Variants in PARVB observed in about 807,000 individuals in gnomAD.
PARVB encodes beta-parvin.
PARVB carries 46 observed loss-of-function variants against 47.0 expected under a neutral mutation model. The observed-to-expected ratio is 0.98, with a 90% CI of 0.77 to 1.25. The LOEUF is 1.25. PARVB is among the 50% of genes most tolerant of loss of function. The probability of loss-of-function intolerance (pLI) is 0.00; values close to 1 mark genes in which losing one functional copy is unlikely to be tolerated. For missense variants in PARVB, 473 were observed against 471.6 expected, an observed-to-expected ratio of 1.00 and a Z score of -0.03; for synonymous variants, 196 against 196.3, an observed-to-expected ratio of 1.00 and a Z score of 0.01.
intron 1 of PARVB, among the ~76,000 whole-genome samples, chr22:44,051,613 G>A (rs939394472): frequency 1.3e-5 from 2 of 152,186 alleles, no homozygotes; most frequent in Admixed American, 6.5e-5. Context: ...GGCGAATGCC[G>A]GGAAGCGCTT....
intron 4 of PARVB, among the ~76,000 whole-genome samples, chr22:44,123,075 C>T (rs770396443): frequency 1.3e-5 from 2 of 152,244 alleles, no homozygotes; most frequent in African/African-American, 2.4e-5. Context: ...CTTCACCTCT[C>T]TCACCTCTGG....
intron 1 of PARVB, among the ~76,000 whole-genome samples, chr22:44,052,168 A>G (rs1201496762): frequency 2.0e-5 from 3 of 152,214 alleles, no homozygotes; most frequent in Non-Finnish European, 4.4e-5. Context: ...TGATCTTCTA[A>G]TTGCCTCGGC....
intron 1 of PARVB, among the ~76,000 whole-genome samples, chr22:44,092,115 T>C (rs2052182776): frequency 6.6e-6 from 1 of 152,124 alleles, no homozygotes; most frequent in Non-Finnish European, 1.5e-5. Context: ...ATGGGTTATT[T>C]CCACTCTTTT....
chr22:44,117,115 G>A (rs541234131), intron 3 of PARVB, among the ~76,000 whole-genome samples: 51 of 152,212 alleles, frequency 3.4e-4, no homozygotes, highest in South Asian at 2.5e-3. Flanking sequence ...AGATGCTCAC[G>A]GAACCCCCTC....
In PARVB at chr22:44,013,315, T is replaced by C. The variant is rs1031706980; in HGVS notation, c.211+13642T>C. Among the ~76,000 whole-genome samples the C allele has an allele frequency of 2.6e-5, 4 of 152,354 alleles. No homozygotes were observed. In the East Asian group the frequency reaches 5.8e-4, roughly 22 times the overall value. On this transcript the variant is annotated intron_variant, in intron 2 of 13. Coordinates refer to the PARVB transcript ENST00000406477. The stretch of plus-strand genomic sequence containing the variant: ...ATCCAGGGGTATCACGTATTGACTT[T>C]CTTTTCCCCAAGAATTTATTGTGGT...
upstream of PARVB, among the ~76,000 whole-genome samples, chr22:44,021,738 GT>G (rs1484436625): frequency 4.8e-5 from 7 of 145,548 alleles, no homozygotes; most frequent in African/African-American, 1.8e-4. Context: ...CAACATGACT[GT>G]GTCCCTGTAA....
intron 1 of PARVB, among the ~76,000 whole-genome samples, chr22:44,059,428 C>T (rs1000760508): frequency 6.6e-6 from 1 of 152,172 alleles, no homozygotes; most frequent in Non-Finnish European, 1.5e-5. Flanking sequence ...AATAAAACAC[C>T]GTGAGGCTTG....
chr22:44,155,906 A>G lies in PARVB; in HGVS notation c.844-2076A>G, dbSNP rs1285992822. Among the ~76,000 whole-genome samples the G allele has an allele frequency of 6.6e-6, 1 of 152,128 alleles. No homozygotes were observed. The highest frequency in any genetic ancestry group is 1.5e-5 in the Non-Finnish European group (1 of 68,020). On this transcript the variant is annotated intron_variant, in intron 10 of 12. Transcript: ENST00000338758. The surrounding 1 kb of genome is among the most constrained non-coding windows in gnomAD (Gnocchi z 4.8). ...AGTGGCTCATGCCTGCAATCCTAGC[A>G]CTTTGGGTGGCCGAGGTGGGTGGAT...
At chr22:44,057,592 G>C (rs529823886) in intron 1 of PARVB, among the ~76,000 whole-genome samples, 65 of 151,960 alleles carry the variant, frequency 4.3e-4, no homozygotes, top group Non-Finnish European at 7.8e-4. Context: ...CCTGCCTTAG[G>C]TCAGCTCAGG....
chr22:44,047,711 T>G (rs931254552), intron 1 of PARVB, among the ~76,000 whole-genome samples: 1 of 152,160 alleles, frequency 6.6e-6, no homozygotes, highest in Non-Finnish European at 1.5e-5. Flanking sequence ...CTCACAGTTA[T>G]GGAAGCCACA....
At chr22:44,133,402 C>A (rs1365331286) in intron 6 of PARVB, among the ~76,000 whole-genome samples, 1 of 152,208 alleles carries the variant, frequency 6.6e-6, no homozygotes, top group Non-Finnish European at 1.5e-5. Flanking sequence ...GGGGATTATT[C>A]ATCATGCCCC....
chr22:44,076,060 C>T (rs986193147), intron 1 of PARVB, among the ~76,000 whole-genome samples: 35 of 152,344 alleles, frequency 2.3e-4, no homozygotes, highest in Admixed American at 1.1e-3. Flanking sequence ...CAGGTGGGGC[C>T]GGGACTTGGG....
At chr22:44,110,447 C>T (rs2052670748) in intron 3 of PARVB, 1 of 152,168 alleles carries the variant, frequency 6.6e-6, no homozygotes, top group South Asian at 2.1e-4. Flanking sequence ...TCTGTGTCTG[C>T]CTTGATGTCA....
intron 2 of PARVB, among the ~76,000 whole-genome samples, chr22:44,007,666 AAAG>A (rs1221453049): frequency 6.6e-6 from 1 of 152,216 alleles, no homozygotes; most frequent in Non-Finnish European, 1.5e-5. Flanking sequence ...AGGCTTTAAA[AAAG>A]TTTTTTTTTG....
upstream of PARVB, among the ~76,000 whole-genome samples, chr22:44,020,073 G>A (rs2050630472): frequency 6.6e-6 from 1 of 152,040 alleles, no homozygotes; most frequent in African/African-American, 2.4e-5. Context: ...CTGCAGCGGC[G>A]CCAGCTGGGT....
chr22:44,029,668 T>C (rs1166916535), intron 1 of PARVB, among the ~76,000 whole-genome samples: 9 of 147,604 alleles, frequency 6.1e-5, no homozygotes, highest in Non-Finnish European at 6.0e-5. Flanking sequence ...CCCAGCACTT[T>C]GGGAGGCTGA....
intron 2 of PARVB, among the ~76,000 whole-genome samples, chr22:44,004,655 G>A (rs1032360712): frequency 1.3e-5 from 2 of 152,186 alleles, no homozygotes; most frequent in African/African-American, 2.4e-5. Flanking sequence ...CCCGCCTCAC[G>A]TAGTTCCTGC....
chr22:44,138,391 A>G (rs1461943948), intron 7 of PARVB, among the ~76,000 whole-genome samples: 1 of 151,944 alleles, frequency 6.6e-6, no homozygotes, highest in African/African-American at 2.4e-5. Context: ...GGGAGTTGGG[A>G]TTTTCTAGCC....
At chr22:44,000,209 A>G (rs928982972) in intron 2 of PARVB, among the ~76,000 whole-genome samples, 1 of 152,234 alleles carries the variant, frequency 6.6e-6, no homozygotes, top group Non-Finnish European at 1.5e-5. Context: ...TCTACCCCCA[A>G]GGTAAAGGCT....
Sources: gnomAD v4.1 joint callset for allele counts (sites outside exome capture counted in the v4.1 genomes callset) on GRCh38, gnomAD v4.1.1 for gene constraint, Gnocchi (gnomAD v3.1) non-coding constraint, MANE v1.5 for transcripts, NCBI Gene and HGNC (gene_info 2026-07-23, HGNC 2026-07-21) for gene names.